TRAK2: variants seen among roughly 807,000 people sequenced by gnomAD.
TRAK2 encodes the protein trafficking kinesin-binding protein 2.
In TRAK2, 81 loss-of-function variants were observed where a neutral mutation model predicts 104.6. The ratio of observed to expected loss-of-function variants is 0.77; its 90% CI spans 0.65 to 0.93. TRAK2 has a LOEUF of 0.93. TRAK2 is among the 40% of genes least tolerant of loss of function. TRAK2 has a pLI of 0.00. For synonymous variants in TRAK2, 406 were observed against 394.4 expected, an observed-to-expected ratio of 1.03 and a Z score of -0.35; for missense variants, 1,002 against 1,089.0, an observed-to-expected ratio of 0.92 and a Z score of 1.12.
At chr2:201,411,728 TAAG>T in intron 2 of TRAK2, 1 of 780,750 alleles carries the variant, frequency 1.3e-6, no homozygotes, top group Non-Finnish European at 2.4e-6. Flanking sequence ...GAATTTGTTG[TAAG>T]AAGGGTAGGA....
chr2:201,450,421 AAAAAG>A (rs1374933335), intron 1 of TRAK2, among the ~76,000 whole-genome samples: 17 of 152,086 alleles, frequency 1.1e-4, no homozygotes, highest in Middle Eastern at 3.2e-3. Context: ...CTTAAAAAAA[AAAAAG>A]AAAAGAAAGT....
At chr2:201,386,515 G>A in intron 13 of TRAK2, 31 bp from the exon 14 acceptor site, 1 of 1,606,756 alleles carries the variant, frequency 6.2e-7, no homozygotes, top group Non-Finnish European at 8.5e-7. Flanking sequence ...AAGGGGAAAG[G>A]CATGTTTTAC....
chr2:201,403,282 A>G (rs1460157050), intron 3 of TRAK2, among the ~76,000 whole-genome samples: 1 of 152,160 alleles, frequency 6.6e-6, no homozygotes, highest in Non-Finnish European at 1.5e-5. Flanking sequence ...TAATGATCTC[A>G]CTTTCTTGTA....
chr2:201,420,242 G>C (rs918842287), intron 2 of TRAK2, among the ~76,000 whole-genome samples, 175 bp downstream of exon 2: 1 of 152,194 alleles, frequency 6.6e-6, no homozygotes, highest in Non-Finnish European at 1.5e-5. Context: ...GGCAGATTCT[G>C]TTAATGCGTC....
chr2:201,383,708 A>G (rs575628193), intron 15 of TRAK2, among the ~76,000 whole-genome samples: 20 of 152,346 alleles, frequency 1.3e-4, no homozygotes, highest in African/African-American at 4.6e-4. Flanking sequence ...GAGATCTTCT[A>G]GCAAATTGCT....
intron 1 of TRAK2, 79 bp from the exon 2 acceptor site, chr2:201,420,785 T>C (rs938914312): frequency 6.8e-6 from 2 of 293,738 alleles, no homozygotes; most frequent in African/African-American, 2.2e-5. Context: ...ATGTCCATCA[T>C]GAAAAATGTT....
intron 1 of TRAK2, among the ~76,000 whole-genome samples, chr2:201,421,575 G>C (rs1460311665): frequency 6.6e-6 from 1 of 151,748 alleles, no homozygotes; most frequent in Non-Finnish European, 1.5e-5. Flanking sequence ...GGGTGGGGGG[G>C]GCAAAATTCA....
chr2:201,434,159 G>A (rs1248215374), intron 1 of TRAK2, among the ~76,000 whole-genome samples: 2 of 151,898 alleles, frequency 1.3e-5, no homozygotes, highest in African/African-American at 2.4e-5. Context: ...GGGTTTCACC[G>A]TGTTAGCCAG....
At chr2:201,446,365 C>G (rs1461663104) in intron 1 of TRAK2, among the ~76,000 whole-genome samples, 1 of 152,208 alleles carries the variant, frequency 6.6e-6, no homozygotes, top group African/African-American at 2.4e-5. Flanking sequence ...GCTTCCCACA[C>G]CAGCTCAATG....
At chr2:201,404,778 C>T (rs1951579081) in intron 3 of TRAK2, among the ~76,000 whole-genome samples, 1 of 152,148 alleles carries the variant, frequency 6.6e-6, no homozygotes, top group South Asian at 2.1e-4. Context: ...ACAAAAACAA[C>T]AACAAAATAG....
chr2:201,389,124 T>A (rs939307216), intron 12 of TRAK2, among the ~76,000 whole-genome samples, 176 bp downstream of exon 12: 2 of 152,174 alleles, frequency 1.3e-5, no homozygotes, highest in African/African-American at 4.8e-5. Context: ...TTCAAAAAAA[T>A]TTGACTTTGG....
rs1951425054 is a variant in TRAK2, at chr2:201,389,515, G to A, written c.1194-12C>T. ...GCTTCTGTTGGGCTCTGTCAAAAAA[G>A]GAAGTGTTCGTTATTATCACTGCTA... On this transcript the variant is annotated splice_polypyrimidine_tract_variant and intron_variant, in intron 11 of 15. Coordinates refer to ENST00000332624, the MANE Select transcript of TRAK2 (RefSeq NM_015049.3). 1.9e-6 allele frequency: 3 copies of A among 1,612,698 alleles called. No individual in the cohort carries two copies. Among genetic ancestry groups the A allele is most frequent in the African/African-American group, 1.3e-5 (1 of 74,878 alleles).
At chr2:201,429,703 T>C (rs755230839) in intron 1 of TRAK2, among the ~76,000 whole-genome samples, 5 of 152,252 alleles carry the variant, frequency 3.3e-5, no homozygotes, top group Non-Finnish European at 7.3e-5. Flanking sequence ...GCCATGGTTT[T>C]CAGCTCCCTC....
At chr2:201,424,062 A>G (rs537306332) in intron 1 of TRAK2, among the ~76,000 whole-genome samples, 1 of 152,292 alleles carries the variant, frequency 6.6e-6, no homozygotes, top group Non-Finnish European at 1.5e-5. Flanking sequence ...TTTTCCACAT[A>G]TCGTATTGTC....
intron 2 of TRAK2, among the ~76,000 whole-genome samples, chr2:201,409,270 C>T (rs1275555915): frequency 6.7e-6 from 1 of 150,270 alleles, no homozygotes; most frequent in African/African-American, 2.4e-5. Flanking sequence ...GGCACTCTAT[C>T]AATGTCAGCT....
intron 2 of TRAK2, among the ~76,000 whole-genome samples, chr2:201,414,192 G>A (rs1951672634): frequency 6.6e-6 from 1 of 151,968 alleles, no homozygotes; most frequent in Admixed American, 6.6e-5. Context: ...TGAACAAACT[G>A]AGCTTTTGTG....
At position 201,378,052 on chromosome 2, in the gene TRAK2, T is replaced by C. The variant is rs902175083; in HGVS notation, c.*2491A>G. On this transcript the variant is annotated 3_prime_UTR_variant, in exon 16 of 16. Coordinates refer to ENST00000332624, the MANE Select transcript of TRAK2 (RefSeq NM_015049.3). ...TATTTTGCAGACAATTCTAGTATTA[T>C]AGAGATTATCAGGATATACCAAAAA... 6.6e-6 allele frequency: 1 copy of C among 152,214 alleles called. No homozygotes were observed. Among genetic ancestry groups the C allele is most frequent in the Non-Finnish European group, 1.5e-5 (1 of 68,030 alleles). 9.4% of individuals were successfully genotyped at this position (152,214 alleles called of 1,614,324 possible).
intron 1 of TRAK2, among the ~76,000 whole-genome samples, chr2:201,424,750 C>T (rs748640658): frequency 8.9e-4 from 136 of 151,994 alleles, no homozygotes; most frequent in Non-Finnish European, 4.6e-4. Context: ...CTACAGGCAC[C>T]CGCCACCTTG....
At chr2:201,412,077 C>A (rs1022941162) in intron 2 of TRAK2, 2 of 1,126,860 alleles carry the variant, frequency 1.8e-6, no homozygotes, top group African/African-American at 3.0e-5. Context: ...TGCTTAAACA[C>A]AGGGCCAAGT....
Sources: gnomAD v4.1 joint callset for allele counts (sites outside exome capture counted in the v4.1 genomes callset) on GRCh38, gnomAD v4.1.1 for gene constraint, MANE v1.5 for transcripts, NCBI Gene and HGNC (gene_info 2026-07-23, HGNC 2026-07-21) for gene names.